Variants in TRPM3 observed in about 807,000 individuals in gnomAD.
TRPM3 encodes the protein long transient receptor potential channel 3.
In TRPM3, 77 loss-of-function variants were observed where a neutral mutation model predicts 181.2. The observed-to-expected ratio is 0.42, with a 90% confidence interval of 0.35 to 0.51. The LOEUF (loss-of-function observed/expected upper bound fraction) is 0.51. Among genes scored for constraint, TRPM3 ranks in the 20% least tolerant of loss-of-function variants. TRPM3 has a pLI of 0.01. For synonymous variants in TRPM3, 745 were observed against 796.4 expected (o/e 0.94, Z 1.09); for missense variants, 1,759 against 2,196.7 (o/e 0.80, Z 3.98).
At chr9:70,686,032 T>C (rs185674767) in intron 8 of TRPM3, among the ~76,000 whole-genome samples, 59 of 151,162 alleles carry the variant, frequency 3.9e-4, no homozygotes, top group African/African-American at 1.4e-3. Context: ...GGTATATGTG[T>C]ATATATATGG....
intron 1 of TRPM3, among the ~76,000 whole-genome samples, chr9:71,062,114 A>G (rs954022714): frequency 2.0e-5 from 3 of 152,064 alleles, no homozygotes; most frequent in African/African-American, 7.2e-5. Flanking sequence ...CAGCTGGGTA[A>G]TAAAAATTTA....
chr9:71,257,640 T>C (rs775781855), intron 1 of TRPM3, among the ~76,000 whole-genome samples: 2 of 152,204 alleles, frequency 1.3e-5, no homozygotes, highest in Non-Finnish European at 2.9e-5. Flanking sequence ...AGTGAATTGA[T>C]TTATACTACG....
chr9:71,185,855 A>G (rs1390233823), intron 1 of TRPM3, among the ~76,000 whole-genome samples: 2 of 152,092 alleles, frequency 1.3e-5, no homozygotes, highest in East Asian at 3.9e-4. Context: ...TCACATATTC[A>G]TGGGGTATTC....
intron 6 of TRPM3, among the ~76,000 whole-genome samples, chr9:70,801,852 A>G (rs2131235305): frequency 6.6e-6 from 1 of 152,254 alleles, no homozygotes; most frequent in East Asian, 1.9e-4. Context: ...TGCTCTTAAA[A>G]CCCCGATTCT....
intron 25 of TRPM3, among the ~76,000 whole-genome samples, chr9:70,537,766 G>A (rs976182412): frequency 6.6e-6 from 1 of 152,116 alleles, no homozygotes; most frequent in African/African-American, 2.4e-5. Flanking sequence ...CCATGGCCTA[G>A]CTGTGGCTTG....
intron 1 of TRPM3, among the ~76,000 whole-genome samples, chr9:70,898,747 C>CAAAAAAAAAAAAAAA (rs34952516): frequency 9.6e-5 from 9 of 93,312 alleles, no homozygotes; most frequent in South Asian, 3.8e-4. Context: ...GACTTCATCT[C>CAAAAAAAAAAAAAAA]AAAAAAAAAA....
At chr9:71,069,146 C>G (rs1411255941) in intron 1 of TRPM3, among the ~76,000 whole-genome samples, 1 of 152,142 alleles carries the variant, frequency 6.6e-6, no homozygotes, top group Non-Finnish European at 1.5e-5. Flanking sequence ...ATATTGAAAG[C>G]TAAGATATAT....
intron 1 of TRPM3, among the ~76,000 whole-genome samples, chr9:71,377,291 T>A (rs1214872432): frequency 6.6e-6 from 1 of 152,096 alleles, no homozygotes; most frequent in Non-Finnish European, 1.5e-5. Flanking sequence ...TCTAAGAAAT[T>A]ATTTTTTAAT....
At chr9:71,427,913 TA>T (rs1472420200) in intron 1 of TRPM3, among the ~76,000 whole-genome samples, 1 of 152,026 alleles carries the variant, frequency 6.6e-6, no homozygotes, top group South Asian at 2.1e-4. Context: ...GGATCTGAAA[TA>T]AAAGTTGAAA....
chr9:70,866,418 T>C (rs1488391888), intron 1 of TRPM3, among the ~76,000 whole-genome samples: 3 of 152,026 alleles, frequency 2.0e-5, no homozygotes, highest in Non-Finnish European at 4.4e-5. Flanking sequence ...GAAAAAATGG[T>C]GTGAGTGGGA....
intron 1 of TRPM3, among the ~76,000 whole-genome samples, chr9:70,892,309 G>C (rs2096217746): frequency 1.3e-5 from 2 of 150,532 alleles, no homozygotes; most frequent in Admixed American, 1.3e-4. Context: ...CTTTATGAGA[G>C]TCTGAACATA....
chr9:71,343,544 A>C (rs1476808796), intron 1 of TRPM3, among the ~76,000 whole-genome samples: 1 of 152,178 alleles, frequency 6.6e-6, no homozygotes, highest in East Asian at 1.9e-4. Context: ...ACAAATATGG[A>C]ATGAAAGAAA....
chr9:71,340,759 C>G (rs996234103), intron 1 of TRPM3, among the ~76,000 whole-genome samples: 2 of 152,094 alleles, frequency 1.3e-5, no homozygotes, highest in African/African-American at 2.4e-5. Flanking sequence ...AGCAGTGACA[C>G]CCAGTAGCAA....
intron 1 of TRPM3, among the ~76,000 whole-genome samples, chr9:71,003,746 G>A (rs2134264710): frequency 6.6e-6 from 1 of 151,642 alleles, no homozygotes; most frequent in East Asian, 2.0e-4. Context: ...GGAATGAAGA[G>A]CCCCCCGAAA....
In TRPM3 at chr9:70,531,047, G is replaced by A. The variant is rs1027708437; in HGVS notation, c.*4906C>T. On this transcript the variant is annotated 3_prime_UTR_variant, in exon 26 of 26. Transcript: ENST00000677713. Reference sequence around the variant, plus strand: ...AGGGAGGTCTCTTGTCATATCATTGGATCACACATTCACAGCGATCTGCGC... The same window carrying A: ...AGGGAGGTCTCTTGTCATATCATTGAATCACACATTCACAGCGATCTGCGC... 9.8e-5 allele frequency: 15 copies of A among 152,300 alleles called. No homozygotes were observed. Among genetic ancestry groups the A allele is most frequent in the African/African-American group, 3.4e-4 (14 of 41,566 alleles). The allele number at this position is 152,300 out of a possible 1,614,324, so 9.4% of individuals were successfully genotyped here. A position where few individuals can be genotyped will look rare whatever the true frequency, so the allele number is the denominator to read the frequency against.
intron 1 of TRPM3, among the ~76,000 whole-genome samples, chr9:70,936,765 C>G (rs546595471): frequency 9.5e-4 from 145 of 152,312 alleles, no homozygotes; most frequent in African/African-American, 3.4e-3. Flanking sequence ...CAGAAGAGAG[C>G]TGTCCCTGTA....
rs191067163 is a variant in TRPM3, at chr9:70,690,815, T to C, written c.1273-9237A>G. On this transcript the variant is annotated intron_variant, in intron 8 of 25. Coordinates refer to ENST00000677713, the MANE Select transcript of TRPM3 (RefSeq NM_001366145.2). ...ATGCCTGTAAGCACATATTAGCTTC[T>C]GTTTTCTCTTTGGCGTAATTAAAGT... 3.0e-4 allele frequency among the ~76,000 whole-genome samples: 45 copies of C among 152,360 alleles called. No individual in the cohort carries two copies. In the Middle Eastern group the frequency reaches 0.017, roughly 58 times the overall value.
intron 1 of TRPM3, among the ~76,000 whole-genome samples, chr9:71,219,751 C>T (rs142731173): frequency 1.2e-4 from 18 of 152,242 alleles, no homozygotes; most frequent in African/African-American, 4.3e-4. Flanking sequence ...TGAACCTGGG[C>T]AAATCAGATT....
At chr9:71,245,251 C>T (rs143981444) in intron 1 of TRPM3, among the ~76,000 whole-genome samples, 5 of 152,018 alleles carry the variant, frequency 3.3e-5, no homozygotes, top group Non-Finnish European at 4.4e-5. Flanking sequence ...GAATTTGAGA[C>T]CCCAAACATG....
Sources: gnomAD v4.1 joint callset for allele counts (sites outside exome capture counted in the v4.1 genomes callset) on GRCh38, gnomAD v4.1.1 for gene constraint, MANE v1.5 for transcripts, NCBI Gene and HGNC (gene_info 2026-07-23, HGNC 2026-07-21) for gene names.